The following GYPE variants were observed in gnomAD, a reference collection of about 807,000 sequenced individuals.
GYPE encodes the protein glycophorin-E.
A neutral mutation model predicts 11.6 loss-of-function variants in GYPE; 8 were observed. The ratio of observed to expected loss-of-function variants is 0.69; its 90% CI spans 0.41 to 1.25. GYPE has a LOEUF of 1.25. Among genes scored for constraint, GYPE ranks in the 50% most tolerant of loss-of-function variants. GYPE has a pLI of 0.01. For missense variants in GYPE, 90 were observed against 92.8 expected (o/e 0.97, Z 0.12); for synonymous variants, 28 against 29.6 (o/e 0.94, Z 0.18).
intron 1 of GYPE, among the ~76,000 whole-genome samples, chr4:143,893,418 C>T (rs1475507243): frequency 6.7e-6 from 1 of 150,352 alleles, no homozygotes; most frequent in Non-Finnish European, 1.5e-5. Context: ...ATGGTCCTTA[C>T]ATTTTGGCAT....
In GYPE at chr4:143,905,545, A is replaced by C; in HGVS notation, c.-38T>G. On this transcript the variant is annotated 5_prime_UTR_variant, in exon 1 of 4. Coordinates refer to ENST00000358615, the MANE Select transcript of GYPE (RefSeq NM_198682.3). ...AGCTGGCTCCTGAAGTTAGTGCAAA[A>C]AAACTACCAAAGACAACTGCAAGTG... 1 of 1,612,758 alleles carries C rather than the reference A, an allele frequency of 6.2e-7. No individual in the cohort carries two copies. The highest frequency in any genetic ancestry group is 8.5e-7 in the Non-Finnish European group (1 of 1,179,062).
At position 143,886,148 on chromosome 4, in the gene GYPE, C is replaced by CG. The variant is rs1340430681; in HGVS notation, c.38-5640_38-5639insC. ...CTTGTTACTGGAAGTCTATAGTTTA[C>CG]AAAACAGTGTCATCTTGAAGGAACA... is the stretch of plus-strand genomic sequence containing the variant. On this transcript the variant is annotated intron_variant, in intron 1 of 3. Transcript: ENST00000358615. Among the ~76,000 whole-genome samples, 8 of 15,128 alleles carry CG rather than the reference C, an allele frequency of 5.3e-4. 1 individual carries two copies. Among genetic ancestry groups the CG allele is most frequent in the African/African-American group, 5.9e-4 (8 of 13,636 alleles). The allele number at this position is 15,128 out of a possible 152,430, so 9.9% of individuals were successfully genotyped here.
At chr4:143,904,346 T>C (rs929788818) in intron 1 of GYPE, among the ~76,000 whole-genome samples, 2 of 152,168 alleles carry the variant, frequency 1.3e-5, no homozygotes, top group Non-Finnish European at 2.9e-5. Context: ...TTAAACATTT[T>C]GTTTAATCTT....
At chr4:143,892,783 T>G (rs1257432489) in intron 1 of GYPE, among the ~76,000 whole-genome samples, 1 of 146,302 alleles carries the variant, frequency 6.8e-6, no homozygotes, top group African/African-American at 2.5e-5. Context: ...AAGTGTATAT[T>G]CTGTTGATTT....
chr4:143,875,450 A>T, intron 3 of GYPE: 1 of 1,550,680 alleles, frequency 6.4e-7, no homozygotes, highest in East Asian at 2.4e-5. Flanking sequence ...TAAGCAAGAG[A>T]ACAGCAGGTG....
chr4:143,871,802 A>G lies in GYPE; in HGVS notation c.*460T>C, dbSNP rs1020718692. On this transcript the variant is annotated 3_prime_UTR_variant, in exon 4 of 4. Transcript: ENST00000358615. ...GCCAATATAGCCCTATCCTAAGGGA[A>G]AGGGAATTGTGGTTGGACAACCGAG... The G allele has an allele frequency of 3.3e-5, 5 of 152,296 alleles. No homozygotes were observed. Among genetic ancestry groups the G allele is most frequent in the African/African-American group, 1.2e-4 (5 of 41,558 alleles). The allele number at this position is 152,296 out of a possible 1,614,324, so 9.4% of individuals were successfully genotyped here. A position where few individuals can be genotyped will look rare whatever the true frequency, so the allele number is the denominator to read the frequency against.
At chr4:143,885,663 G>A (rs1328345577) in intron 1 of GYPE, among the ~76,000 whole-genome samples, 2 of 150,566 alleles carry the variant, frequency 1.3e-5, no homozygotes, top group African/African-American at 4.9e-5. Context: ...CTGAACTATT[G>A]TCAGAACTTG....
chr4:143,877,658 G>A (rs1003512584), intron 2 of GYPE, among the ~76,000 whole-genome samples: 1 of 152,144 alleles, frequency 6.6e-6, no homozygotes, highest in African/African-American at 2.4e-5. Context: ...AAAAGTGAAA[G>A]TAGCATTTCC....
In GYPE at chr4:143,901,814, A is replaced by AATTT. The variant is rs550316459; in HGVS notation, c.37+3656_37+3657insAAAT. Among the ~76,000 whole-genome samples, 898 of 152,148 alleles carry AATTT rather than the reference A, an allele frequency of 5.9e-3. 11 individuals are homozygous for AATTT. The highest frequency in any genetic ancestry group is 0.021 in the African/African-American group (861 of 41,512). ...AAATTTATCACAAGAATGTGAAGCTAAATTTCCTAATTTAAAATCACTACG... is the reference window on the plus strand; with the variant it reads ...AAATTTATCACAAGAATGTGAAGCTAATTTAATTTCCTAATTTAAAATCACTACG... On this transcript the variant is annotated intron_variant, in intron 1 of 3. Coordinates refer to ENST00000358615, the MANE Select transcript of GYPE (RefSeq NM_198682.3).
chr4:143,890,687 A>G (rs1021465655), intron 1 of GYPE, among the ~76,000 whole-genome samples: 2 of 152,178 alleles, frequency 1.3e-5, no homozygotes, highest in African/African-American at 4.8e-5. Flanking sequence ...TACATTGTCT[A>G]TGGTTCTAGT....
Position 143,871,353 on chromosome 4 carries a change from A to G in GYPE, c.*909T>C, listed in dbSNP as rs113326841. ...AAGCCAATGTTACAGGATGTTGTGG[A>G]ACTATTCCTATTCTTCCATAAGTAG... On this transcript the variant is annotated 3_prime_UTR_variant, in exon 4 of 4. Coordinates refer to ENST00000358615, the MANE Select transcript of GYPE (RefSeq NM_198682.3). The G allele has an allele frequency of 6.6e-6, 1 of 152,118 alleles. No homozygotes were observed. Among genetic ancestry groups the G allele is most frequent in the Non-Finnish European group, 1.5e-5 (1 of 68,030 alleles). 9.4% of individuals were successfully genotyped at this position (152,118 alleles called of 1,614,324 possible).
Position 143,872,998 on chromosome 4 carries a change from A to G in GYPE, c.*10-746T>C, listed in dbSNP as rs371839532. Among the ~76,000 whole-genome samples, 1,388 of 152,276 alleles carry G rather than the reference A, an allele frequency of 9.1e-3. 9 individuals are homozygous for G. Among genetic ancestry groups the G allele is most frequent in the Non-Finnish European group, 0.014 (922 of 68,028 alleles). ...GAAAAACCTACTGGAGATTTTAAGT[A>G]GGAGAAATACATGATCTAATTGATA... On this transcript the variant is annotated intron_variant, in intron 3 of 3. Coordinates refer to ENST00000358615, the MANE Select transcript of GYPE (RefSeq NM_198682.3).
Position 143,875,473 on chromosome 4 carries a change from G to C in GYPE, c.*9+1273C>G, listed in dbSNP as rs576738688. 214 of 1,551,066 alleles carry C rather than the reference G, an allele frequency of 1.4e-4. No homozygotes were observed. In the African/African-American group the frequency reaches 2.6e-3, roughly 19 times the overall value. On this transcript the variant is annotated intron_variant, in intron 3 of 3. Transcript: ENST00000358615. Reference sequence around the variant, plus strand: ...AGAACAGCAGGTGCAGCTGGTTCTAGGCAAGATCAGGCAGCATGCAGGCCA... The same window carrying C: ...AGAACAGCAGGTGCAGCTGGTTCTACGCAAGATCAGGCAGCATGCAGGCCA...
intron 1 of GYPE, among the ~76,000 whole-genome samples, chr4:143,904,360 G>A (rs549321763): frequency 5.9e-5 from 9 of 152,012 alleles, no homozygotes; most frequent in Admixed American, 3.3e-4. Flanking sequence ...TAATCTTTAC[G>A]CAATTATTAT....
At chr4:143,896,362 C>T (rs977508311) in intron 1 of GYPE, among the ~76,000 whole-genome samples, 2 of 152,178 alleles carry the variant, frequency 1.3e-5, no homozygotes, top group African/African-American at 4.8e-5. Context: ...TGAACAGATA[C>T]TTCTCAAAAG....
At chr4:143,875,653 C>T (rs1246559458) in intron 3 of GYPE, 2 of 1,333,838 alleles carry the variant, frequency 1.5e-6, no homozygotes, top group African/African-American at 1.5e-5. Flanking sequence ...AGGGGTGTTG[C>T]CAAGTTCTTT....
chr4:143,897,564 CAA>C, intron 1 of GYPE, among the ~76,000 whole-genome samples: 1 of 152,134 alleles, frequency 6.6e-6, no homozygotes, highest in African/African-American at 2.4e-5. Context: ...TTATTTCAGA[CAA>C]GTGTGTGTGT....
intron 1 of GYPE, among the ~76,000 whole-genome samples, chr4:143,885,472 C>A (rs1744197133): frequency 6.6e-6 from 1 of 152,072 alleles, no homozygotes; most frequent in Non-Finnish European, 1.5e-5. Context: ...AGTAAAAGAG[C>A]ACTTGGTGGA....
chr4:143,892,955 G>A (rs1305952882), intron 1 of GYPE, among the ~76,000 whole-genome samples: 3 of 148,526 alleles, frequency 2.0e-5, no homozygotes, highest in African/African-American at 5.0e-5. Context: ...AAGTCTCTTT[G>A]TAGGTCACTC....
Sources: allele counts gnomAD v4.1 joint callset (sites outside exome capture counted in the v4.1 genomes callset), GRCh38; gene constraint gnomAD v4.1.1; transcripts MANE v1.5; gene names NCBI Gene and HGNC (gene_info 2026-07-23, HGNC 2026-07-21).